WDFY2: variants seen among roughly 807,000 people sequenced by gnomAD.
The protein encoded by WDFY2 is WD repeat and FYVE domain containing 2.
WDFY2 carries 36 observed loss-of-function variants against 56.4 expected under a neutral mutation model. That is an observed-to-expected ratio of 0.64 (90% confidence interval 0.49 to 0.84). The LOEUF (loss-of-function observed/expected upper bound fraction) is 0.84, where lower values mean the gene tolerates loss of function less well. WDFY2 is among the 40% of genes least tolerant of loss of function. The pLI is 0.00. For synonymous variants in WDFY2, 176 were observed against 183.7 expected, an observed-to-expected ratio of 0.96 and a Z score of 0.34; for missense variants, 444 against 512.2, an observed-to-expected ratio of 0.87 and a Z score of 1.29.
At chr13:51,609,246 C>T (rs1011304283) in intron 1 of WDFY2, among the ~76,000 whole-genome samples, 1 of 152,170 alleles carries the variant, frequency 6.6e-6, no homozygotes, top group African/African-American at 2.4e-5. Context: ...CTTGTATACC[C>T]TCTACTGATC....
intron 6 of WDFY2, among the ~76,000 whole-genome samples, chr13:51,728,667 T>C (rs918638173): frequency 6.6e-6 from 1 of 152,136 alleles, no homozygotes; most frequent in African/African-American, 2.4e-5. Context: ...AATGGAATGC[T>C]AGAATAAGAA....
intron 1 of WDFY2, among the ~76,000 whole-genome samples, chr13:51,618,998 G>C (rs926695376): frequency 2.0e-5 from 3 of 152,212 alleles, no homozygotes; most frequent in Non-Finnish European, 4.4e-5. Flanking sequence ...GATCCCCTTT[G>C]CTGCTCTGAA....
Position 51,657,130 on chromosome 13 carries a change from G to T in WDFY2, c.138-3466G>T, listed in dbSNP as rs186258204. Among the ~76,000 whole-genome samples the T allele has an allele frequency of 2.0e-5, 3 of 151,402 alleles. No individual in the cohort carries two copies. The East Asian group carries it at 5.8e-4, about 29-fold the overall frequency. On this transcript the variant is annotated intron_variant, in intron 1 of 11. Coordinates refer to ENST00000298125, the MANE Select transcript of WDFY2 (RefSeq NM_052950.4). Reference sequence around the variant, plus strand: ...TTTGATTCCCTTATTTTTCTCTTCTGTATACCTAAATTTATATAATCTAGT... The same window carrying T: ...TTTGATTCCCTTATTTTTCTCTTCTTTATACCTAAATTTATATAATCTAGT...
At chr13:51,713,731 C>T (rs1217225231) in intron 4 of WDFY2, among the ~76,000 whole-genome samples, 3 of 151,386 alleles carry the variant, frequency 2.0e-5, no homozygotes, top group African/African-American at 2.4e-5. Flanking sequence ...CCTGTAATCC[C>T]AGCTGCTTGG....
chr13:51,681,953 T>C (rs1049471699), intron 3 of WDFY2, among the ~76,000 whole-genome samples: 1 of 152,210 alleles, frequency 6.6e-6, no homozygotes, highest in East Asian at 1.9e-4. Flanking sequence ...CTACATGTTA[T>C]CTAAAAACTT....
chr13:51,651,898 T>C (rs1453053488), intron 1 of WDFY2, among the ~76,000 whole-genome samples: 1 of 152,218 alleles, frequency 6.6e-6, no homozygotes, highest in Non-Finnish European at 1.5e-5. Context: ...TAGAGAATTC[T>C]GTAGATGTCT....
In WDFY2 at chr13:51,755,366, A is replaced by G; in HGVS notation, c.840A>G (p.Glu280=). Residue 280 remains glutamate (E), a synonymous_variant, in exon 9 of 12, where the codon GAA becomes GAG. Coordinates refer to ENST00000298125, the MANE Select transcript of WDFY2 (RefSeq NM_052950.4). ...NMDVERQETP[E]WLDSDSCQKC... is the part of the protein sequence containing the mutation. ...GTGCTTTATTTGACAAGACCCCTGA[A>G]TGGTTGGACAGTGATTCCTGCCAAA... The G allele has an allele frequency of 6.2e-7, 1 of 1,614,176 alleles. No homozygotes were observed. Among genetic ancestry groups the G allele is most frequent in the Non-Finnish European group, 8.5e-7 (1 of 1,180,026 alleles).
chr13:51,594,090 G>A (rs1239889411), intron 1 of WDFY2: 1 of 152,102 alleles, frequency 6.6e-6, no homozygotes. Flanking sequence ...CACTATATTG[G>A]TGTCTAACTT....
At chr13:51,736,313 C>T (rs1228966308) in intron 6 of WDFY2, among the ~76,000 whole-genome samples, 7 of 152,176 alleles carry the variant, frequency 4.6e-5, no homozygotes, top group African/African-American at 1.7e-4. Context: ...CGTTAAGTAA[C>T]TTGTCCAAGG....
chr13:51,707,181 A>G (rs1438105300), intron 4 of WDFY2, among the ~76,000 whole-genome samples: 1 of 152,136 alleles, frequency 6.6e-6, no homozygotes, highest in East Asian at 1.9e-4. Context: ...CAGCAGGGAG[A>G]CAGGGTCTCA....
chr13:51,674,708 G>A (rs1955858468), intron 2 of WDFY2, among the ~76,000 whole-genome samples: 1 of 152,070 alleles, frequency 6.6e-6, no homozygotes, highest in Non-Finnish European at 1.5e-5. Flanking sequence ...TAGACTTCTA[G>A]ACTCCTGTGT....
chr13:51,759,617 C>A, intron 11 of WDFY2, 123 bp from the exon 12 acceptor site: 2 of 700,592 alleles, frequency 2.9e-6, no homozygotes, highest in South Asian at 2.8e-5. Context: ...ATTTGGAAAT[C>A]ATGTTAGTAT....
intron 6 of WDFY2, among the ~76,000 whole-genome samples, chr13:51,738,201 T>G (rs937877695): frequency 1.3e-5 from 2 of 152,224 alleles, no homozygotes; most frequent in Non-Finnish European, 2.9e-5. Flanking sequence ...TCTGACATTC[T>G]TAAGTGTTTG....
rs368920902 is a variant in WDFY2, at chr13:51,758,194, G to A, written c.1067G>A (p.Arg356His). Residue 356 changes from arginine (R) to histidine (H), a missense_variant and splice_region_variant, in exon 11 of 12, where the codon CGT (arginine) becomes CAT (histidine). Transcript: ENST00000298125. ...GAAGCTTTCTTTGCTCCTTCTAGAC[G>A]TGCACCCACAGCCACCTTCCATGAC... ...SCHEAITDEE[R>H]APTATFHDSK... is the part of the protein sequence containing the mutation. 42 of 1,565,320 alleles carry A rather than the reference G, an allele frequency of 2.7e-5. No homozygotes were observed. Among genetic ancestry groups the A allele is most frequent in the South Asian group, 8.2e-5 (7 of 85,550 alleles).
chr13:51,747,715 G>T (rs1488363422), intron 7 of WDFY2, among the ~76,000 whole-genome samples: 5 of 152,072 alleles, frequency 3.3e-5, no homozygotes, highest in Non-Finnish European at 7.4e-5. Context: ...AATTTTTGTA[G>T]AGACAGGGTC....
chr13:51,714,891 T>C (rs780752662), intron 4 of WDFY2, among the ~76,000 whole-genome samples: 1 of 152,218 alleles, frequency 6.6e-6, no homozygotes, highest in Non-Finnish European at 1.5e-5. Context: ...AGCCTGTTGC[T>C]CCCTAGGCTT....
chr13:51,709,346 G>A (rs1258488706), intron 4 of WDFY2, among the ~76,000 whole-genome samples: 5 of 152,162 alleles, frequency 3.3e-5, no homozygotes, highest in Non-Finnish European at 4.4e-5. Context: ...AATTGAAGTA[G>A]GAATTAATAA....
At chr13:51,726,538 T>C (rs1952608663) in intron 5 of WDFY2, among the ~76,000 whole-genome samples, 1 of 152,176 alleles carries the variant, frequency 6.6e-6, no homozygotes, top group Non-Finnish European at 1.5e-5. Context: ...ACTGGTCACG[T>C]AGGCAGATCT....
At chr13:51,653,823 G>A (rs1955453867) in intron 1 of WDFY2, among the ~76,000 whole-genome samples, 1 of 152,196 alleles carries the variant, frequency 6.6e-6, no homozygotes, top group African/African-American at 2.4e-5. Flanking sequence ...CCTACTGGGG[G>A]GTGCCTCCCA....
Sources: gnomAD v4.1 joint callset for allele counts (sites outside exome capture counted in the v4.1 genomes callset) on GRCh38, gnomAD v4.1.1 for gene constraint, MANE v1.5 for transcripts, NCBI Gene and HGNC (gene_info 2026-07-23, HGNC 2026-07-21) for gene names.